Variants in EFCAB5 observed in about 807,000 individuals in gnomAD.
EFCAB5 encodes EF-hand calcium binding domain 5, also known as EF-hand calcium-binding domain-containing protein 5.
Under a neutral mutation model 167.9 loss-of-function variants are expected in EFCAB5, and 131 were observed. The observed-to-expected ratio is 0.78, with a 90% confidence interval of 0.68 to 0.90. The LOEUF is 0.90. Among genes scored for constraint, EFCAB5 ranks in the 40% least tolerant of loss-of-function variants. The probability of loss-of-function intolerance (pLI) is 0.00; values close to 1 mark genes in which losing one functional copy is unlikely to be tolerated. For missense variants in EFCAB5, 1,663 were observed against 1,745.2 expected (o/e 0.95, Z 0.84); for synonymous variants, 574 against 602.8 (o/e 0.95, Z 0.70).
intron 22 of EFCAB5, among the ~76,000 whole-genome samples, chr17:30,102,570 C>T (rs1315026637): frequency 6.6e-6 from 1 of 152,018 alleles, no homozygotes; most frequent in African/African-American, 2.4e-5. Context: ...TTTCTTCTTT[C>T]TTTTCCTTTA....
chr17:30,095,116 A>G (rs759164619), intron 22 of EFCAB5, among the ~76,000 whole-genome samples: 2 of 152,196 alleles, frequency 1.3e-5, no homozygotes, highest in Non-Finnish European at 2.9e-5. Context: ...TTTTAGACAG[A>G]TGTTGCCTGT....
At chr17:29,961,958 A>G (rs977470766) in intron 3 of EFCAB5, among the ~76,000 whole-genome samples, 1 of 152,196 alleles carries the variant, frequency 6.6e-6, no homozygotes, top group Non-Finnish European at 1.5e-5. Context: ...TTCTTTCCCT[A>G]TTGAATGGTC....
At chr17:29,972,204 ATTTTTTTT>A (rs11409322) in intron 4 of EFCAB5, among the ~76,000 whole-genome samples, 1 of 127,452 alleles carries the variant, frequency 7.8e-6, no homozygotes, top group Non-Finnish European at 1.6e-5. Flanking sequence ...CGCCCGGCTA[ATTTTTTTT>A]TTTTTTTTTT....
At position 30,090,514 on chromosome 17, in the gene EFCAB5, AGGAGAGGCTCTG is replaced by A; in HGVS notation, c.3782_3793del (p.Glu1261_Gly1264del). 1 of 1,614,052 alleles carries A rather than the reference AGGAGAGGCTCTG, an allele frequency of 6.2e-7. No individual in the cohort carries two copies. Among genetic ancestry groups the A allele is most frequent in the Non-Finnish European group, 8.5e-7 (1 of 1,179,884 alleles). On this transcript the variant is annotated inframe_deletion, in exon 20 of 23. Coordinates refer to ENST00000394835, the MANE Select transcript of EFCAB5 (RefSeq NM_198529.4). ...TAGTAGTTCCACTTCGTGAGAGAACAGGAGAGGCTCTGGGAGTCCTCGATTTTAACATCGGCC... is the reference window on the plus strand; with the variant it reads ...TAGTAGTTCCACTTCGTGAGAGAACAGGAGTCCTCGATTTTAACATCGGCC...
intron 3 of EFCAB5, among the ~76,000 whole-genome samples, chr17:29,945,987 G>A (rs564976787): frequency 4.5e-4 from 68 of 152,130 alleles, no homozygotes; most frequent in Non-Finnish European, 8.1e-4. Flanking sequence ...ATAAATAAAT[G>A]GGACCTAATT....
At chr17:29,978,203 G>C (rs1353447422) in intron 4 of EFCAB5, among the ~76,000 whole-genome samples, 1 of 152,126 alleles carries the variant, frequency 6.6e-6, no homozygotes, top group Non-Finnish European at 1.5e-5. Flanking sequence ...TTCTGCACAG[G>C]TGATATTAGT....
chr17:30,015,368 TCCTGGATAATA>T, intron 7 of EFCAB5, among the ~76,000 whole-genome samples: 1 of 152,364 alleles, frequency 6.6e-6, no homozygotes, highest in East Asian at 1.9e-4. Context: ...GGGGAAGTTT[TCCTGGATAATA>T]CCCTGAAGAG....
chr17:30,055,366 AAGGAAGG>A (rs2070228041), intron 10 of EFCAB5, among the ~76,000 whole-genome samples: 2 of 151,526 alleles, frequency 1.3e-5, no homozygotes, highest in South Asian at 2.1e-4. Context: ...GGAAGGAAGG[AAGGAAGG>A]AAGGAAGGAA....
chr17:30,066,753 A>G (rs115990149), intron 14 of EFCAB5, among the ~76,000 whole-genome samples: 1 of 152,242 alleles, frequency 6.6e-6, no homozygotes, highest in African/African-American at 2.4e-5. Context: ...AAGATAAACC[A>G]TATTGCCAAA....
intron 1 of EFCAB5, among the ~76,000 whole-genome samples, chr17:29,932,758 A>G (rs1204170662): frequency 6.6e-6 from 1 of 152,076 alleles, no homozygotes; most frequent in African/African-American, 2.4e-5. Context: ...GCACCCGGCC[A>G]TCATTCTTTT....
At chr17:30,076,088 T>C (rs1466994694) in intron 14 of EFCAB5, among the ~76,000 whole-genome samples, 1 of 152,048 alleles carries the variant, frequency 6.6e-6, no homozygotes, top group African/African-American at 2.4e-5. Context: ...GATTTGGGAG[T>C]CCAAATAATG....
In EFCAB5 at chr17:30,103,208, TTTATAAATATATATA is replaced by T. The variant is rs1315749334; in HGVS notation, c.4322-4609_4322-4595del. 8.8e-5 allele frequency among the ~76,000 whole-genome samples: 13 copies of T among 148,302 alleles called. No individual in the cohort carries two copies. In the South Asian group the frequency reaches 1.3e-3, roughly 14 times the overall value. ...GTTTAAAATGTTTTAAAATAAATAA[TTTATAAATATATATA>T]TTATAAATATATATATATATGGGCA... On this transcript the variant is annotated intron_variant, in intron 22 of 22. Transcript: ENST00000394835.
chr17:30,057,766 T>C lies in EFCAB5; in HGVS notation c.2456T>C (p.Phe819Ser). Residue 819 changes from phenylalanine (F) to serine (S), a missense_variant, in exon 13 of 23, where the codon TTT (phenylalanine) becomes TCT (serine). By Grantham distance (155) the Phe-to-Ser change is radical. Coordinates refer to ENST00000394835, the MANE Select transcript of EFCAB5 (RefSeq NM_198529.4). ...FNGVSFNLLQ[F>S]VQLLETFVGE... ...GGAGTTTCATTCAATCTGCTCCAGTTTGTGCAACTCCTGGAGACATTTGTT... is the reference window on the plus strand; with the variant it reads ...GGAGTTTCATTCAATCTGCTCCAGTCTGTGCAACTCCTGGAGACATTTGTT... 1 of 1,613,862 alleles carries C rather than the reference T, an allele frequency of 6.2e-7. No homozygotes were observed. The highest frequency in any genetic ancestry group is 8.5e-7 in the Non-Finnish European group (1 of 1,179,788).
chr17:29,979,394 A>T (rs985930295), intron 4 of EFCAB5, among the ~76,000 whole-genome samples: 1 of 152,170 alleles, frequency 6.6e-6, no homozygotes, highest in Non-Finnish European at 1.5e-5. Context: ...GCTTGGAGGC[A>T]TTCTATCTGA....
chr17:29,934,114 A>AT (rs768386239), intron 1 of EFCAB5, among the ~76,000 whole-genome samples: 2 of 152,172 alleles, frequency 1.3e-5, no homozygotes, highest in African/African-American at 4.8e-5. Context: ...TAAACATAAC[A>AT]TTTTTTATAC....
chr17:30,048,339 A>G (rs1378262511), intron 8 of EFCAB5, among the ~76,000 whole-genome samples: 1 of 147,916 alleles, frequency 6.8e-6, no homozygotes, highest in Non-Finnish European at 1.5e-5. Flanking sequence ...TGTCTGCCAG[A>G]ATGTTAAAAA....
intron 18 of EFCAB5, among the ~76,000 whole-genome samples, chr17:30,084,650 G>A (rs1294875579): frequency 1.3e-5 from 2 of 152,136 alleles, no homozygotes; most frequent in Non-Finnish European, 2.9e-5. Context: ...AGCACTCAAC[G>A]ATCATAACTT....
intron 7 of EFCAB5, among the ~76,000 whole-genome samples, chr17:30,015,187 T>G (rs540968432): frequency 2.0e-4 from 31 of 152,328 alleles, no homozygotes; most frequent in African/African-American, 6.0e-4. Context: ...ATGATGGGCT[T>G]CCCTTTGTGG....
intron 6 of EFCAB5, 131 bp downstream of exon 6, chr17:29,996,491 A>G: frequency 1.4e-6 from 1 of 692,748 alleles, no homozygotes; most frequent in Non-Finnish European, 2.4e-6. Context: ...AGGCTCTTCC[A>G]TGCTGTCCAG....
Sources: gnomAD v4.1 joint callset for allele counts (sites outside exome capture counted in the v4.1 genomes callset) on GRCh38, gnomAD v4.1.1 for gene constraint, MANE v1.5 for transcripts, NCBI Gene and HGNC (gene_info 2026-07-23, HGNC 2026-07-21) for gene names.